The following IL1RAPL1 variants were observed in gnomAD, a reference collection of about 807,000 sequenced individuals.
The protein encoded by IL1RAPL1 is interleukin 1 receptor accessory protein like 1.
In IL1RAPL1, 3 loss-of-function variants were observed where a neutral mutation model predicts 48.4. That is an observed-to-expected ratio of 0.06 (90% CI 0.03 to 0.16). The LOEUF (loss-of-function observed/expected upper bound fraction) is 0.16. Ranked by LOEUF, IL1RAPL1 falls within the 10% of genes least tolerant of loss-of-function variation. The probability of loss-of-function intolerance (pLI) is 1.00; values close to 1 mark genes in which losing one functional copy is unlikely to be tolerated. For synonymous variants in IL1RAPL1, 185 were observed against 187.7 expected (o/e 0.99, Z 0.12); for missense variants, 349 against 530.6 (o/e 0.66, Z 3.36).
intron 1 of IL1RAPL1, among the ~76,000 whole-genome samples, chrX:28,752,800 G>T (rs1241811446): frequency 9.5e-6 from 1 of 105,268 alleles, no homozygotes; most frequent in Admixed American, 1.0e-4. Context: ...AGCTTCACCT[G>T]TATATGACTG....
chrX:29,206,485 G>A (rs1244922764), intron 2 of IL1RAPL1, among the ~76,000 whole-genome samples: 3 of 111,280 alleles, frequency 2.7e-5, no homozygotes, highest in Non-Finnish European at 5.7e-5. Context: ...ATTTGAGATT[G>A]CTAATCTTGG....
intron 1 of IL1RAPL1, among the ~76,000 whole-genome samples, chrX:28,762,833 G>C (rs77866810): frequency 1.0e-4 from 4 of 40,081 alleles, no homozygotes; most frequent in Admixed American, 3.2e-4. Flanking sequence ...CAGAGAGAGA[G>C]AGAGAGAGAG....
intron 3 of IL1RAPL1, among the ~76,000 whole-genome samples, chrX:29,329,401 C>T (rs190944925): frequency 1.7e-3 from 193 of 111,709 alleles, no homozygotes; most frequent in African/African-American, 6.1e-3. Context: ...TGTGCACAAA[C>T]GTTCATAGCA....
At chrX:29,860,000 A>T (rs1931545800) in intron 6 of IL1RAPL1, among the ~76,000 whole-genome samples, 1 of 111,978 alleles carries the variant, frequency 8.9e-6, no homozygotes, top group Non-Finnish European at 1.9e-5. Flanking sequence ...CCTGAAATTG[A>T]TGTTACTTTA....
chrX:29,801,098 G>C (rs748299218), intron 6 of IL1RAPL1, among the ~76,000 whole-genome samples: 1 of 69,449 alleles, frequency 1.4e-5, no homozygotes, highest in Admixed American at 2.2e-4. Flanking sequence ...TTTAATGTTA[G>C]TTTATAATTT....
At chrX:28,983,046 A>G (rs1601994469) in intron 2 of IL1RAPL1, 1 of 111,878 alleles carries the variant, frequency 8.9e-6, no homozygotes, top group South Asian at 3.7e-4. Flanking sequence ...ATTTCATATA[A>G]TGTAAATATG....
chrX:29,039,579 A>C (rs1255026393), intron 2 of IL1RAPL1, among the ~76,000 whole-genome samples: 1 of 110,737 alleles, frequency 9.0e-6, no homozygotes, highest in East Asian at 2.9e-4. Context: ...AAGACTGAAG[A>C]AGCAGCTCAC....
At chrX:29,601,636 A>G (rs185303093) in intron 5 of IL1RAPL1, among the ~76,000 whole-genome samples, 3 of 112,511 alleles carry the variant, frequency 2.7e-5, no homozygotes, top group African/African-American at 9.7e-5. Flanking sequence ...TATAAAAGTC[A>G]TAATTAATAA....
At chrX:29,100,009 C>G (rs1312062025) in intron 2 of IL1RAPL1, among the ~76,000 whole-genome samples, 1 of 110,205 alleles carries the variant, frequency 9.1e-6, no homozygotes, top group African/African-American at 3.3e-5. Context: ...GTCAGGAGAT[C>G]AAGACCATCC....
At chrX:28,812,584 ATG>A (rs764378314) in intron 2 of IL1RAPL1, among the ~76,000 whole-genome samples, 1 of 111,190 alleles carries the variant, frequency 9.0e-6, no homozygotes, top group African/African-American at 3.2e-5. Context: ...TTAATTTCAT[ATG>A]TCTAGATTTG....
At chrX:29,764,570 A>G (rs1232648482) in intron 6 of IL1RAPL1, among the ~76,000 whole-genome samples, 1 of 112,183 alleles carries the variant, frequency 8.9e-6, no homozygotes, top group Non-Finnish European at 1.9e-5. Flanking sequence ...AAGACAGTCT[A>G]TGAATCTTCA....
At chrX:29,536,890 T>A (rs1282017824) in intron 5 of IL1RAPL1, among the ~76,000 whole-genome samples, 1 of 110,363 alleles carries the variant, frequency 9.1e-6, no homozygotes, top group African/African-American at 3.3e-5. Context: ...CATATATTGC[T>A]TTTTATTGCT....
chrX:29,917,673 G>A (rs1601882476), intron 7 of IL1RAPL1, 77 bp downstream of exon 7: 2 of 919,725 alleles, frequency 2.2e-6, no homozygotes, highest in Non-Finnish European at 3.1e-6. Flanking sequence ...AAGCTGAAAG[G>A]ATTTTTTTTT....
intron 6 of IL1RAPL1, among the ~76,000 whole-genome samples, chrX:29,791,583 T>G (rs1929638519): frequency 9.3e-6 from 1 of 107,414 alleles, no homozygotes; most frequent in South Asian, 4.2e-4. Flanking sequence ...CCACCATGCC[T>G]GGCTAATTTT....
chrX:28,678,451 G>C (rs974019102), intron 1 of IL1RAPL1, among the ~76,000 whole-genome samples: 3 of 111,501 alleles, frequency 2.7e-5, no homozygotes, highest in African/African-American at 9.8e-5. Context: ...GGGAAAGGAG[G>C]AAACAGAGTT....
In IL1RAPL1 at chrX:28,861,765, C is replaced by T. The variant is rs758692855; in HGVS notation, c.82+72340C>T. 2.4e-4 allele frequency among the ~76,000 whole-genome samples: 27 copies of T among 111,943 alleles called. No individual in the cohort carries two copies. The East Asian group carries it at 7.6e-3, about 32-fold the overall frequency. On this transcript the variant is annotated intron_variant, in intron 2 of 10. Coordinates refer to ENST00000378993, the MANE Select transcript of IL1RAPL1 (RefSeq NM_014271.4). The stretch of plus-strand genomic sequence containing the variant: ...ACTTCTAAAATAGAAAGATGCACAA[C>T]ATCCCTTAGCCCTTTCCACTGTCTC...
chrX:29,084,993 G>A (rs771152856), intron 2 of IL1RAPL1, among the ~76,000 whole-genome samples: 1 of 111,793 alleles, frequency 8.9e-6, no homozygotes, highest in African/African-American at 3.2e-5. Context: ...GCGCCCAGCC[G>A]CATTTATTCT....
chrX:29,763,043 GT>G lies in IL1RAPL1; in HGVS notation c.778+94545del, dbSNP rs1281039315. On this transcript the variant is annotated intron_variant, in intron 6 of 10. Coordinates refer to ENST00000378993, the MANE Select transcript of IL1RAPL1 (RefSeq NM_014271.4). ...CCATACTCTAAAGTGATAAGAAAAA[GT>G]TTTTTGTTTTTTTTTTTTTTGAGCA... Among the ~76,000 whole-genome samples, 8 of 105,838 alleles carry G rather than the reference GT, an allele frequency of 7.6e-5. No homozygotes were observed. The Admixed American group carries it at 8.1e-4, about 11-fold the overall frequency. The allele number at this position is 105,838 out of a possible 115,157, so 91.9% of individuals were successfully genotyped here.
intron 2 of IL1RAPL1, among the ~76,000 whole-genome samples, chrX:28,955,146 TA>T (rs1666444243): frequency 8.9e-6 from 1 of 111,838 alleles, no homozygotes; most frequent in Admixed American, 9.6e-5. Flanking sequence ...TTTTATCATT[TA>T]AAATAATGAA....
Sources: gnomAD v4.1 joint callset for allele counts (sites outside exome capture counted in the v4.1 genomes callset) on GRCh38, gnomAD v4.1.1 for gene constraint, MANE v1.5 for transcripts, NCBI Gene and HGNC (gene_info 2026-07-23, HGNC 2026-07-21) for gene names.